Variants in ZHX3 observed in about 807,000 individuals in gnomAD.
The protein encoded by ZHX3 is zinc fingers and homeoboxes 3.
In ZHX3, 20 loss-of-function variants were observed where a neutral mutation model predicts 64.5. The observed-to-expected ratio is 0.31, with a 90% confidence interval of 0.22 to 0.45. The LOEUF (loss-of-function observed/expected upper bound fraction) is 0.45, where lower values mean the gene tolerates loss of function less well. Among genes scored for constraint, ZHX3 ranks in the 20% least tolerant of loss-of-function variants. The pLI, the probability that ZHX3 is intolerant of heterozygous loss-of-function variation, is 1.00. For synonymous variants in ZHX3, 423 were observed against 461.6 expected, an observed-to-expected ratio of 0.92 and a Z score of 1.07; for missense variants, 1,041 against 1,195.8, an observed-to-expected ratio of 0.87 and a Z score of 1.91.
At chr20:41,199,595 C>A (rs1032745428) in intron 3 of ZHX3, among the ~76,000 whole-genome samples, 13 of 152,050 alleles carry the variant, frequency 8.5e-5, no homozygotes, top group Non-Finnish European at 1.6e-4. Context: ...CTCTTTAAAT[C>A]CCCTTGTGGC....
At chr20:41,235,629 G>A (rs1045740924) in intron 2 of ZHX3, among the ~76,000 whole-genome samples, 6 of 151,882 alleles carry the variant, frequency 4.0e-5, no homozygotes, top group Non-Finnish European at 8.8e-5. Flanking sequence ...TCTCAAAATA[G>A]TAAGAGCTAT....
At chr20:41,236,279 G>T (rs6102316) in intron 2 of ZHX3, among the ~76,000 whole-genome samples, 9,650 of 152,020 alleles carry the variant, frequency 0.063, 1,012 homozygotes, top group African/African-American at 0.22. Flanking sequence ...TACTTTAAAG[G>T]TCATATGGAA....
In ZHX3 at chr20:41,195,224, T is replaced by C. The variant is rs759097012; in HGVS notation, c.2860+6833A>G. On this transcript the variant is annotated intron_variant, in intron 3 of 3. Coordinates refer to ENST00000683867, the MANE Select transcript of ZHX3 (RefSeq NM_001384317.1). This position sits in a 1 kb window ranked among gnomAD's most constrained non-coding sequence, Gnocchi z 4.2. ...ACCTCAAACTCCTGGTAAACAATCC[T>C]CCCACCCCAGACACCTGAGTAGCTG... 4.6e-5 allele frequency among the ~76,000 whole-genome samples: 7 copies of C among 152,108 alleles called. No individual in the cohort carries two copies. The highest frequency in any genetic ancestry group is 1.0e-4 in the Non-Finnish European group (7 of 68,014).
rs766693640 is a variant in ZHX3 at position 41,178,650 on chromosome 20, C to T, written c.*6541G>A. 1 of 152,646 alleles carries T rather than the reference C, an allele frequency of 6.6e-6. No homozygotes were observed. The highest frequency in any genetic ancestry group is 1.5e-5 in the Non-Finnish European group (1 of 68,046). The allele number at this position is 152,646 out of a possible 1,614,324, so 9.5% of individuals were successfully genotyped here. A position where few individuals can be genotyped will look rare whatever the true frequency, so the allele number is the denominator to read the frequency against. On this transcript the variant is annotated 3_prime_UTR_variant, in exon 4 of 4. Coordinates refer to ENST00000683867, the MANE Select transcript of ZHX3 (RefSeq NM_001384317.1). ...GACCTCGTGAGGCCTGGAGATTCAG[C>T]CCCAAGAGGGCAACCCCACTCCTGC...
At position 41,205,072 on chromosome 20, in the gene ZHX3, G is replaced by T; in HGVS notation, c.-150-6C>A. On this transcript the variant is annotated splice_polypyrimidine_tract_variant and splice_region_variant and intron_variant, in intron 2 of 3. Transcript: ENST00000683867. ...GCAGGTTTTCCCTATTCAATCTAAG[G>T]AAAGGGAGAAAAAAATGATTAAGTT... 1 of 1,247,966 alleles carries T rather than the reference G, an allele frequency of 8.0e-7. No homozygotes were observed. The highest frequency in any genetic ancestry group is 1.0e-6 in the Non-Finnish European group (1 of 970,570). The allele number at this position is 1,247,966 out of a possible 1,614,324, so 77.3% of individuals were successfully genotyped here. A position where few individuals can be genotyped will look rare whatever the true frequency, so the allele number is the denominator to read the frequency against.
At chr20:41,278,927 C>T (rs2043527262) in intron 1 of ZHX3, among the ~76,000 whole-genome samples, 1 of 151,702 alleles carries the variant, frequency 6.6e-6, no homozygotes, top group African/African-American at 2.4e-5. Flanking sequence ...TGCCCGCCAC[C>T]ACGCCCGGCT....
At chr20:41,314,096 T>C (rs2045223140) in intron 1 of ZHX3, among the ~76,000 whole-genome samples, 1 of 152,216 alleles carries the variant, frequency 6.6e-6, no homozygotes, top group Non-Finnish European at 1.5e-5. Context: ...AAAAGTAGTC[T>C]ACCTGAAATT....
intron 3 of ZHX3, among the ~76,000 whole-genome samples, chr20:41,196,261 G>A (rs2037476845): frequency 8.1e-6 from 1 of 123,618 alleles, no homozygotes; most frequent in Non-Finnish European, 1.6e-5. Flanking sequence ...AGCTCTGTTA[G>A]GGGTATATAT....
At chr20:41,242,564 TA>T (rs1452629867) in intron 2 of ZHX3, among the ~76,000 whole-genome samples, 1 of 152,240 alleles carries the variant, frequency 6.6e-6, no homozygotes, top group Non-Finnish European at 1.5e-5. Context: ...CACTGATGCC[TA>T]ACTGATCAAA....
intron 2 of ZHX3, among the ~76,000 whole-genome samples, chr20:41,221,783 C>T (rs1429950019): frequency 6.6e-6 from 1 of 152,180 alleles, no homozygotes; most frequent in Non-Finnish European, 1.5e-5. Context: ...AGTGAGGAAG[C>T]ACACTCCAGG....
intron 3 of ZHX3, among the ~76,000 whole-genome samples, chr20:41,189,618 T>C (rs766477643): frequency 1.3e-5 from 2 of 152,210 alleles, no homozygotes; most frequent in Non-Finnish European, 2.9e-5. Context: ...GATTACCTTC[T>C]TGATTTCTTT....
intron 2 of ZHX3, among the ~76,000 whole-genome samples, chr20:41,234,805 GC>G (rs2040856093): frequency 6.6e-6 from 1 of 152,204 alleles, no homozygotes; most frequent in Admixed American, 6.5e-5. Flanking sequence ...GCTCGGCCAG[GC>G]CTTCCTGCTG....
At position 41,202,877 on chromosome 20, in the gene ZHX3, A is replaced by G. The variant is rs746116379; in HGVS notation, c.2040T>C (p.Ser680=). ...CCTCAGCAGCCTCCTCTTCCTCCTG[A>G]GAGGCATTCTCCTCAGCCTTCTTGG... is the stretch of plus-strand genomic sequence containing the variant. ...EETKKAEENA[S]QEEEEAAEDE... Residue 680 remains serine, a synonymous_variant, in exon 3 of 4, where the codon TCT becomes TCC. Transcript: ENST00000683867. This position sits in a 1 kb window ranked among gnomAD's most constrained non-coding sequence, Gnocchi z 7.0. 3 of 1,613,928 alleles carry G rather than the reference A, an allele frequency of 1.9e-6. No individual in the cohort carries two copies. Among genetic ancestry groups the G allele is most frequent in the African/African-American group, 2.7e-5 (2 of 74,876 alleles).
At chr20:41,277,376 C>T (rs748704324) in intron 1 of ZHX3, among the ~76,000 whole-genome samples, 1 of 152,004 alleles carries the variant, frequency 6.6e-6, no homozygotes, top group African/African-American at 2.4e-5. Flanking sequence ...TTTAATGGCA[C>T]GAAGTCAGTT....
chr20:41,266,394 C>T (rs2042848375), intron 2 of ZHX3, among the ~76,000 whole-genome samples: 1 of 152,118 alleles, frequency 6.6e-6, no homozygotes, highest in Admixed American at 6.5e-5. Context: ...CTGCAACCTC[C>T]AGTCATATGC....
In ZHX3 at chr20:41,204,716, C is replaced by A. The variant is rs768563487; in HGVS notation, c.201G>T (p.Gly67=). 29 of 1,614,130 alleles carry A rather than the reference C, an allele frequency of 1.8e-5. No homozygotes were observed. In the Admixed American group the frequency reaches 1.8e-4, roughly 10 times the overall value. The change falls in exon 3 of 4, where the codon GGG becomes GGT. Residue 67 remains glycine, a synonymous_variant. Coordinates refer to ENST00000683867, the MANE Select transcript of ZHX3 (RefSeq NM_001384317.1). The surrounding 1 kb of genome is among the most constrained non-coding windows in gnomAD (Gnocchi z 6.6). ...SSTDGSTLAN[G]HRSTLDGYLY... is the part of the protein sequence containing the mutation. ...AATAGCCATCTAAAGTGCTCCGATG[C>A]CCATTGGCCAGTGTAGAGCCATCAG...
chr20:41,268,201 T>C (rs1443652861), intron 2 of ZHX3, among the ~76,000 whole-genome samples: 4 of 152,204 alleles, frequency 2.6e-5, no homozygotes, highest in Non-Finnish European at 4.4e-5. Context: ...TCACACATCA[T>C]CAATGACTCT....
At chr20:41,303,010 T>A (rs749956025) in intron 1 of ZHX3, among the ~76,000 whole-genome samples, 43 of 150,212 alleles carry the variant, frequency 2.9e-4, no homozygotes, top group Non-Finnish European at 4.7e-4. Flanking sequence ...CTGACGACCA[T>A]CTCCATTTCT....
At chr20:41,234,223 G>A (rs887644187) in intron 2 of ZHX3, among the ~76,000 whole-genome samples, 1 of 152,190 alleles carries the variant, frequency 6.6e-6, no homozygotes, top group Non-Finnish European at 1.5e-5. Context: ...CCACAAAACT[G>A]TGGGCTGAGG....
Sources: gnomAD v4.1 joint callset for allele counts (sites outside exome capture counted in the v4.1 genomes callset) on GRCh38, gnomAD v4.1.1 for gene constraint, Gnocchi (gnomAD v3.1) non-coding constraint, MANE v1.5 for transcripts, NCBI Gene and HGNC (gene_info 2026-07-23, HGNC 2026-07-21) for gene names.